The following RBFOX1 variants were observed in gnomAD, a reference collection of about 807,000 sequenced individuals.
The protein encoded by RBFOX1 is RNA binding fox-1 homolog 1.
Under a neutral mutation model 57.7 loss-of-function variants are expected in RBFOX1, and 8 were observed. The observed-to-expected ratio is 0.14, with a 90% CI of 0.08 to 0.25. The LOEUF (loss-of-function observed/expected upper bound fraction) is 0.25. Among genes scored for constraint, RBFOX1 ranks in the 10% least tolerant of loss-of-function variants. RBFOX1 has a pLI of 1.00. For missense variants in RBFOX1, 611 were observed against 548.5 expected (o/e 1.11, Z -1.14); for synonymous variants, 326 against 222.4 (o/e 1.47, Z -4.15).
At chr16:7,028,345 G>C (rs974117408) in intron 3 of RBFOX1, among the ~76,000 whole-genome samples, 1 of 152,122 alleles carries the variant, frequency 6.6e-6, no homozygotes, top group East Asian at 1.9e-4. Context: ...CTGGGCTCAG[G>C]GCTGGAGTTA....
intron 4 of RBFOX1, among the ~76,000 whole-genome samples, chr16:5,900,826 G>T (rs1478763695): frequency 6.6e-6 from 1 of 152,134 alleles, no homozygotes; most frequent in African/African-American, 2.4e-5. Flanking sequence ...AGACATCCAG[G>T]AAGCTGCAGG....
At chr16:5,997,899 T>A (rs888464643) in intron 4 of RBFOX1, among the ~76,000 whole-genome samples, 1 of 152,192 alleles carries the variant, frequency 6.6e-6, no homozygotes, top group African/African-American at 2.4e-5. Flanking sequence ...TTTCAAGATG[T>A]TAGAGTACAT....
intron 3 of RBFOX1, among the ~76,000 whole-genome samples, chr16:6,865,113 C>A (rs2059695728): frequency 6.7e-6 from 1 of 149,258 alleles, no homozygotes; most frequent in South Asian, 2.1e-4. Context: ...AGCAATTCTC[C>A]ACCCTTAGCC....
chr16:7,183,273 T>TC (rs970119123), intron 4 of RBFOX1, among the ~76,000 whole-genome samples: 2 of 152,060 alleles, frequency 1.3e-5, no homozygotes, highest in Non-Finnish European at 2.9e-5. Context: ...GAAAACATAT[T>TC]CCCCAATGAC....
intron 4 of RBFOX1, among the ~76,000 whole-genome samples, chr16:7,280,437 C>G (rs1230428053): frequency 1.3e-5 from 2 of 152,218 alleles, no homozygotes; most frequent in East Asian, 1.9e-4. Context: ...GATCACCTCA[C>G]CTTTGTCCAA....
intron 4 of RBFOX1, among the ~76,000 whole-genome samples, chr16:5,935,464 G>A (rs554576956): frequency 1.3e-5 from 2 of 152,294 alleles, no homozygotes; most frequent in South Asian, 4.1e-4. Flanking sequence ...ATGGCAGAGA[G>A]GTCTGGGGCA....
chr16:6,072,837 C>T (rs1377681013), intron 1 of RBFOX1, among the ~76,000 whole-genome samples: 3 of 152,024 alleles, frequency 2.0e-5, no homozygotes, highest in Non-Finnish European at 2.9e-5. Flanking sequence ...CTCCACATGT[C>T]CAAATAAAGG....
intron 3 of RBFOX1, among the ~76,000 whole-genome samples, chr16:6,955,020 CG>C (rs1568062344): frequency 1.3e-5 from 2 of 150,188 alleles, no homozygotes; most frequent in East Asian, 2.0e-4. Flanking sequence ...TGCTTGAGCC[CG>C]GGAGTTCAAG....
intron 3 of RBFOX1, among the ~76,000 whole-genome samples, chr16:5,854,439 T>C (rs1433159432): frequency 6.6e-6 from 1 of 152,224 alleles, no homozygotes; most frequent in Non-Finnish European, 1.5e-5. Context: ...AGTATTTGTC[T>C]TTGTGTCTCT....
At chr16:6,693,785 C>T (rs773443063) in intron 3 of RBFOX1, among the ~76,000 whole-genome samples, 11 of 151,764 alleles carry the variant, frequency 7.2e-5, no homozygotes, top group Admixed American at 2.0e-4. Context: ...CATCTTCCTC[C>T]GCTGCCATCA....
chr16:5,448,712 T>C (rs1411412818), intron 1 of RBFOX1, among the ~76,000 whole-genome samples: 1 of 152,172 alleles, frequency 6.6e-6, no homozygotes, highest in Non-Finnish European at 1.5e-5. Context: ...CACCCCTAAA[T>C]GACTAACTTG....
intron 2 of RBFOX1, among the ~76,000 whole-genome samples, chr16:6,614,057 T>G (rs2098109834): frequency 6.6e-6 from 1 of 152,254 alleles, no homozygotes; most frequent in Non-Finnish European, 1.5e-5. Context: ...ACTTTCCCTT[T>G]CTACATTGTA....
chr16:5,745,879 T>G (rs2052961327), intron 3 of RBFOX1, among the ~76,000 whole-genome samples: 1 of 152,202 alleles, frequency 6.6e-6, no homozygotes. Context: ...TTTCTCCCAT[T>G]CTGTAGGTTG....
intron 4 of RBFOX1, among the ~76,000 whole-genome samples, chr16:7,143,204 A>G (rs770298082): frequency 2.6e-5 from 4 of 151,956 alleles, no homozygotes; most frequent in Non-Finnish European, 5.9e-5. Flanking sequence ...TCAGGGTGAT[A>G]TTTTTTGTCA....
chr16:6,142,220 A>C (rs1293196920), intron 1 of RBFOX1, among the ~76,000 whole-genome samples: 13 of 133,346 alleles, frequency 9.7e-5, no homozygotes, highest in Non-Finnish European at 1.1e-4. Flanking sequence ...AAAAAAATCC[A>C]ACTCTTTTTT....
chr16:7,699,437 C>T (rs2079918208), intron 14 of RBFOX1, among the ~76,000 whole-genome samples: 1 of 152,166 alleles, frequency 6.6e-6, no homozygotes, highest in African/African-American at 2.4e-5. Flanking sequence ...AGCCATCCTG[C>T]CCCTTTGGCC....
At chr16:5,884,969 G>A (rs1393104937) in intron 4 of RBFOX1, among the ~76,000 whole-genome samples, 1 of 152,162 alleles carries the variant, frequency 6.6e-6, no homozygotes, top group East Asian at 1.9e-4. Context: ...CCTAATGTTG[G>A]CCCAGAGGTA....
intron 2 of RBFOX1, among the ~76,000 whole-genome samples, chr16:5,504,541 G>A (rs944705020): frequency 1.4e-4 from 22 of 152,214 alleles, no homozygotes; most frequent in African/African-American, 4.1e-4. Context: ...CTCTGCTGAC[G>A]CCCTCCACGC....
rs145080696 is a variant in RBFOX1, at chr16:7,183,916, G to C, written c.27+131818G>C. On this transcript the variant is annotated intron_variant, in intron 4 of 15. Transcript: ENST00000550418. ...GGAGTAGTTTAAAGGGGATAGATGG[G>C]AATTAATAAACCAATAAAGAGAGGC... 4.5e-3 allele frequency among the ~76,000 whole-genome samples: 684 copies of C among 152,234 alleles called. 4 individuals are homozygous for C. The highest frequency in any genetic ancestry group is 0.016 in the African/African-American group (656 of 41,554).
Sources: allele counts gnomAD v4.1 joint callset (sites outside exome capture counted in the v4.1 genomes callset), GRCh38; gene constraint gnomAD v4.1.1; transcripts MANE v1.5; gene names NCBI Gene and HGNC (gene_info 2026-07-23, HGNC 2026-07-21).